MAPKAP1: variants seen among roughly 807,000 people sequenced by gnomAD.
MAPKAP1 encodes the protein MAPK associated protein 1, also known as target of rapamycin complex 2 subunit MAPKAP1.
MAPKAP1 carries 20 observed loss-of-function variants against 65.7 expected under a neutral mutation model. That is an observed-to-expected ratio of 0.30 (90% confidence interval 0.21 to 0.44). The LOEUF (loss-of-function observed/expected upper bound fraction) is 0.44. Ranked by LOEUF, MAPKAP1 falls within the 20% of genes least tolerant of loss-of-function variation. The pLI, the probability that MAPKAP1 is intolerant of heterozygous loss-of-function variation, is 1.00. For missense variants in MAPKAP1, 423 were observed against 648.0 expected, an observed-to-expected ratio of 0.65 and a Z score of 3.77; for synonymous variants, 222 against 244.3, an observed-to-expected ratio of 0.91 and a Z score of 0.85.
At chr9:125,515,422 A>C (rs750412842) in intron 7 of MAPKAP1, among the ~76,000 whole-genome samples, 4 of 152,204 alleles carry the variant, frequency 2.6e-5, no homozygotes, top group Admixed American at 6.5e-5. Context: ...CAGGAGCTCT[A>C]TCTCTCTTTC....
At chr9:125,473,254 A>C (rs1853989382) in intron 9 of MAPKAP1, among the ~76,000 whole-genome samples, 1 of 152,018 alleles carries the variant, frequency 6.6e-6, no homozygotes, top group Non-Finnish European at 1.5e-5. Flanking sequence ...TGGGGAAGAA[A>C]AGAGCACGGG....
At position 125,463,949 on chromosome 9, in the gene MAPKAP1, TG is replaced by T. The variant is rs1274929039; in HGVS notation, c.1345+4022del. Among the ~76,000 whole-genome samples, 3 of 152,332 alleles carry T rather than the reference TG, an allele frequency of 2.0e-5. No homozygotes were observed. The East Asian group carries it at 5.8e-4, about 29-fold the overall frequency. On this transcript the variant is annotated intron_variant, in intron 10 of 11. Transcript: ENST00000265960. ...AAACCAGATCTGGCATGGCTGAGTCTGGTTCTGAAATACAGCCTGAGTGTCT... is the reference window on the plus strand; with the variant it reads ...AAACCAGATCTGGCATGGCTGAGTCTGTTCTGAAATACAGCCTGAGTGTCT...
rs1415320482 is a variant in MAPKAP1, at chr9:125,595,298, CAATT to C, written c.499-9575_499-9572del. 1.3e-5 allele frequency among the ~76,000 whole-genome samples: 2 copies of C among 152,028 alleles called. No homozygotes were observed. The highest frequency in any genetic ancestry group is 2.9e-5 in the Non-Finnish European group (2 of 67,984). On this transcript the variant is annotated intron_variant, in intron 4 of 11. Transcript: ENST00000265960. This position sits in a 1 kb window ranked among gnomAD's most constrained non-coding sequence, Gnocchi z 4.0. Reference sequence around the variant, plus strand: ...TCAATACTATGAACCAAAGGTTACCCAATTAATAATTAGCTCATAAAATGGGTAA... The same window carrying C: ...TCAATACTATGAACCAAAGGTTACCCAATAATTAGCTCATAAAATGGGTAA...
chr9:125,695,870 A>G (rs1343384603), intron 1 of MAPKAP1, among the ~76,000 whole-genome samples: 1 of 152,018 alleles, frequency 6.6e-6, no homozygotes, highest in African/African-American at 2.4e-5. Flanking sequence ...CTGGGATTAT[A>G]GGCATGTGCC....
In MAPKAP1 at chr9:125,698,297, AT is replaced by A. The variant is rs1564622389; in HGVS notation, c.-70+8673del. Among the ~76,000 whole-genome samples the A allele has an allele frequency of 8.0e-3, 84 of 10,520 alleles. 4 individuals carry two copies. Among genetic ancestry groups the A allele is most frequent in the East Asian group, 0.015 (8 of 526 alleles). 6.9% of individuals were successfully genotyped at this position (10,520 alleles called of 152,430 possible). Reference sequence around the variant, plus strand: ...ATACATAATATATATAAATATATATATATATATATATATATATATATATATA... The same window carrying A: ...ATACATAATATATATAAATATATATAATATATATATATATATATATATATA... On this transcript the variant is annotated intron_variant, in intron 1 of 11. Transcript: ENST00000265960.
chr9:125,553,537 T>C (rs1260022492), intron 6 of MAPKAP1, among the ~76,000 whole-genome samples: 1 of 149,430 alleles, frequency 6.7e-6, no homozygotes, highest in Non-Finnish European at 1.5e-5. Context: ...AGTGAAACTC[T>C]ACCCAAAAAA....
At chr9:125,567,772 C>T (rs916499787) in intron 5 of MAPKAP1, 1 of 152,120 alleles carries the variant, frequency 6.6e-6, no homozygotes, top group African/African-American at 2.4e-5. Context: ...TGAGAAAACC[C>T]TGACTCAATG....
intron 8 of MAPKAP1, among the ~76,000 whole-genome samples, chr9:125,489,607 G>A (rs193118572): frequency 8.5e-5 from 13 of 152,208 alleles, no homozygotes; most frequent in African/African-American, 3.1e-4. Flanking sequence ...GAAAACCCAG[G>A]AGGAGAAGCA....
Position 125,439,003 on chromosome 9 carries a change from T to C in MAPKAP1, c.1453A>G (p.Ile485Val). Residue 485 changes from isoleucine to valine, a missense_variant, in exon 12 of 12, where the codon ATC becomes GTC. This residue lies in a region of MAPKAP1 where 185 missense variants were observed against 268.1 expected (regional missense o/e 0.69). Transcript: ENST00000265960. This position sits in a 1 kb window ranked among gnomAD's most constrained non-coding sequence, Gnocchi z 4.0. ...GCAGTGCTAGCTCGCGATTCCAGGA[T>C]GTAGTTAACCTAGAAACAAGAGCAC... Reference protein sequence around the residue: ...VNEIVLKVNYILESRASTARA... With the variant: ...VNEIVLKVNYVLESRASTARA... The C allele has an allele frequency of 6.2e-7, 1 of 1,613,708 alleles. No homozygotes were observed. The highest frequency in any genetic ancestry group is 8.5e-7 in the Non-Finnish European group (1 of 1,179,998).
chr9:125,490,541 A>AAAAAC lies in MAPKAP1; in HGVS notation c.1067-5963_1067-5959dup, dbSNP rs1003520717. Among the ~76,000 whole-genome samples, 8 of 152,312 alleles carry AAAAAC rather than the reference A, an allele frequency of 5.3e-5. No individual in the cohort carries two copies. The East Asian group carries it at 7.7e-4, about 15-fold the overall frequency. On this transcript the variant is annotated intron_variant, in intron 8 of 11. Transcript: ENST00000265960. ...GCAACAAGAACGAAACTCTGTCTCA[A>AAAAAC]AAAACAAAACAAAACAAAACAAACC...
At chr9:125,459,741 T>C (rs1268499018) in intron 10 of MAPKAP1, among the ~76,000 whole-genome samples, 8 of 150,678 alleles carry the variant, frequency 5.3e-5, no homozygotes, top group African/African-American at 9.8e-5. Context: ...GGCAGGGAGG[T>C]TGCAGTGAGC....
intron 4 of MAPKAP1, among the ~76,000 whole-genome samples, chr9:125,633,599 T>C (rs193101218): frequency 1.6e-4 from 24 of 152,290 alleles, no homozygotes; most frequent in Non-Finnish European, 2.6e-4. Flanking sequence ...TTTTGCAACA[T>C]TGTCCCATTT....
At chr9:125,657,835 TAC>T (rs1834074615) in intron 3 of MAPKAP1, 36 bp from the exon 4 acceptor site, 2 of 1,598,236 alleles carry the variant, frequency 1.3e-6, no homozygotes, top group South Asian at 1.1e-5. Flanking sequence ...TCTTTGTGAT[TAC>T]ACAGAGACAA....
intron 1 of MAPKAP1, among the ~76,000 whole-genome samples, chr9:125,678,433 A>G (rs893799196): frequency 4.6e-5 from 7 of 151,736 alleles, no homozygotes; most frequent in Admixed American, 3.3e-4. Context: ...TAGTAGAGAC[A>G]GGGTTTCCCC....
intron 7 of MAPKAP1, among the ~76,000 whole-genome samples, chr9:125,516,762 G>A (rs965395631): frequency 7.2e-5 from 11 of 152,142 alleles, no homozygotes; most frequent in Non-Finnish European, 1.6e-4. Flanking sequence ...GCAAGTTAGT[G>A]GATCTAAACC....
At chr9:125,596,716 C>A (rs1832136475) in intron 4 of MAPKAP1, 1 of 519,564 alleles carries the variant, frequency 1.9e-6, no homozygotes, top group African/African-American at 1.9e-5. Context: ...GTGAACTCAG[C>A]CAAGCACAGT....
At chr9:125,551,884 G>T (rs1830595235) in intron 6 of MAPKAP1, among the ~76,000 whole-genome samples, 1 of 152,168 alleles carries the variant, frequency 6.6e-6, no homozygotes, top group Non-Finnish European at 1.5e-5. Flanking sequence ...GCCCACTCAA[G>T]ATCTCATTCT....
intron 10 of MAPKAP1, among the ~76,000 whole-genome samples, chr9:125,464,455 T>C (rs1403868858): frequency 1.3e-5 from 2 of 152,186 alleles, no homozygotes; most frequent in Non-Finnish European, 2.9e-5. Flanking sequence ...AATGGCAGCA[T>C]GTTTTTTTTC....
chr9:125,671,222 A>G (rs917069982), intron 2 of MAPKAP1, among the ~76,000 whole-genome samples: 1 of 152,228 alleles, frequency 6.6e-6, no homozygotes, highest in African/African-American at 2.4e-5. Flanking sequence ...ACCTTCACTC[A>G]AATCCTATTT....
Sources: gnomAD v4.1 joint callset for allele counts (sites outside exome capture counted in the v4.1 genomes callset) on GRCh38, gnomAD v4.1.1 for gene constraint, gnomAD v4.1.1 regional missense constraint, Gnocchi (gnomAD v3.1) non-coding constraint, MANE v1.5 for transcripts, NCBI Gene and HGNC (gene_info 2026-07-23, HGNC 2026-07-21) for gene names.